Variants in DCLK1 observed in about 807,000 individuals in gnomAD.
DCLK1 encodes the protein serine/threonine-protein kinase DCLK1.
In DCLK1, 16 loss-of-function variants were observed where a neutral mutation model predicts 86.2. The ratio of observed to expected loss-of-function variants is 0.19; its 90% CI spans 0.13 to 0.28. DCLK1 has a LOEUF of 0.28. DCLK1 is among the 10% of genes least tolerant of loss of function. DCLK1 has a pLI of 1.00. For synonymous variants in DCLK1, 369 were observed against 370.5 expected, an observed-to-expected ratio of 1.00 and a Z score of 0.05; for missense variants, 590 against 940.2, an observed-to-expected ratio of 0.63 and a Z score of 4.87.
intron 3 of DCLK1, among the ~76,000 whole-genome samples, chr13:35,981,232 T>G (rs1415959722): frequency 1.3e-5 from 2 of 152,184 alleles, no homozygotes; most frequent in Non-Finnish European, 2.9e-5. Context: ...GTTTTGTTTT[T>G]TTTTTGTGAC....
At chr13:36,083,388 TC>T (rs1275930976) in intron 3 of DCLK1, among the ~76,000 whole-genome samples, 3 of 152,236 alleles carry the variant, frequency 2.0e-5, no homozygotes, top group Non-Finnish European at 4.4e-5. Flanking sequence ...AGGTCCCTCC[TC>T]AGTTCAACTC....
intron 4 of DCLK1, among the ~76,000 whole-genome samples, chr13:35,916,298 G>A (rs1875404476): frequency 6.6e-6 from 1 of 152,216 alleles, no homozygotes; most frequent in African/African-American, 2.4e-5. Flanking sequence ...GGGATCTGGT[G>A]ACCAGTAACT....
At chr13:36,075,326 T>C (rs1454358375) in intron 3 of DCLK1, among the ~76,000 whole-genome samples, 3 of 152,208 alleles carry the variant, frequency 2.0e-5, no homozygotes, top group South Asian at 2.1e-4. Flanking sequence ...ATAATTACTA[T>C]GGCTTCCTGA....
At chr13:35,853,734 C>G (rs9601483) in intron 6 of DCLK1, among the ~76,000 whole-genome samples, 1,958 of 152,242 alleles carry the variant, frequency 0.013, 29 homozygotes, top group African/African-American at 0.043. Context: ...ACATTCCCCC[C>G]ACCTTGCGTC....
At chr13:35,995,952 T>G (rs1880451869) in intron 3 of DCLK1, among the ~76,000 whole-genome samples, 1 of 152,138 alleles carries the variant, frequency 6.6e-6, no homozygotes, top group African/African-American at 2.4e-5. Context: ...TTTTTTAATT[T>G]TTTGAGATGG....
intron 3 of DCLK1, among the ~76,000 whole-genome samples, chr13:36,011,136 G>A (rs1881244077): frequency 2.0e-5 from 2 of 98,238 alleles, no homozygotes; most frequent in East Asian, 2.5e-4. Flanking sequence ...TATTAATCTT[G>A]CTAGTGGTCT....
At chr13:35,960,536 A>G (rs1207621525) in intron 3 of DCLK1, among the ~76,000 whole-genome samples, 2 of 152,084 alleles carry the variant, frequency 1.3e-5, no homozygotes, top group Admixed American at 1.3e-4. Context: ...CCCAGGCTGG[A>G]CTGCCTCAAC....
intron 3 of DCLK1, among the ~76,000 whole-genome samples, chr13:36,023,821 A>G (rs113198386): frequency 7.9e-4 from 121 of 152,238 alleles, no homozygotes; most frequent in African/African-American, 2.8e-3. Context: ...ATCATACTTA[A>G]TACAGAAATA....
intron 3 of DCLK1, among the ~76,000 whole-genome samples, chr13:35,964,663 A>C (rs1878633697): frequency 6.6e-6 from 1 of 152,208 alleles, no homozygotes; most frequent in Non-Finnish European, 1.5e-5. Context: ...TCTGAGCATC[A>C]AAAAGAAACA....
At position 35,854,841 on chromosome 13, in the gene DCLK1, T is replaced by C. The variant is rs116202215; in HGVS notation, c.941-248A>G. Among the ~76,000 whole-genome samples the C allele has an allele frequency of 4.0e-3, 603 of 152,312 alleles. 5 individuals carry two copies. Among genetic ancestry groups the C allele is most frequent in the African/African-American group, 0.013 (557 of 41,578 alleles). ...TTTTTAAGATGTACCTTTCACAACTTTCCTGATGAATGTATTAATGATGTC... is the reference window on the plus strand; with the variant it reads ...TTTTTAAGATGTACCTTTCACAACTCTCCTGATGAATGTATTAATGATGTC... On this transcript the variant is annotated intron_variant, in intron 5 of 16. Transcript: ENST00000360631.
chr13:35,912,069 C>A (rs560674449), intron 4 of DCLK1, among the ~76,000 whole-genome samples: 1 of 152,130 alleles, frequency 6.6e-6, no homozygotes. Flanking sequence ...TCATACAGCG[C>A]CTGCCCCACA....
chr13:35,861,908 C>T (rs1183588172), intron 5 of DCLK1, among the ~76,000 whole-genome samples: 1 of 151,728 alleles, frequency 6.6e-6, no homozygotes, highest in Non-Finnish European at 1.5e-5. Context: ...TGGCGGGCAC[C>T]TGTAGTCCCA....
intron 16 of DCLK1, among the ~76,000 whole-genome samples, chr13:35,777,611 G>A (rs1244037159): frequency 6.6e-6 from 1 of 152,166 alleles, no homozygotes; most frequent in Non-Finnish European, 1.5e-5. Flanking sequence ...TCTCTTTGTA[G>A]AGCAGATAGG....
intron 3 of DCLK1, among the ~76,000 whole-genome samples, chr13:36,005,950 G>A (rs1880932254): frequency 6.6e-6 from 1 of 152,162 alleles, no homozygotes; most frequent in South Asian, 2.1e-4. Context: ...TCACTCAAAA[G>A]TGAGAGTTGA....
chr13:36,021,299 CTTATT>C (rs562914323), intron 3 of DCLK1, among the ~76,000 whole-genome samples: 120 of 148,948 alleles, frequency 8.1e-4, no homozygotes, highest in African/African-American at 2.9e-3. Flanking sequence ...CTAGAAAACA[CTTATT>C]TAATTGAAAA....
chr13:36,093,614 G>A (rs753341479), intron 3 of DCLK1, among the ~76,000 whole-genome samples: 4 of 152,130 alleles, frequency 2.6e-5, no homozygotes, highest in Non-Finnish European at 2.9e-5. Flanking sequence ...GTCATTGCTA[G>A]CACATTATCA....
chr13:35,935,040 A>C (rs1198026330), intron 4 of DCLK1, among the ~76,000 whole-genome samples: 1 of 152,148 alleles, frequency 6.6e-6, no homozygotes, highest in Non-Finnish European at 1.5e-5. Context: ...GTGATGTTTG[A>C]CTTGAACCTC....
At chr13:35,797,274 C>T (rs1219954200) in intron 15 of DCLK1, among the ~76,000 whole-genome samples, 1 of 152,218 alleles carries the variant, frequency 6.6e-6, no homozygotes, top group East Asian at 1.9e-4. Context: ...AATAACCCCA[C>T]CTTCTTTTCA....
intron 4 of DCLK1, among the ~76,000 whole-genome samples, chr13:35,899,061 G>A (rs2153121658): frequency 6.6e-6 from 1 of 152,252 alleles, no homozygotes; most frequent in Admixed American, 6.5e-5. Flanking sequence ...TTCCTTAAGT[G>A]ATAAGCAGAA....
Sources: gnomAD v4.1 joint callset for allele counts (sites outside exome capture counted in the v4.1 genomes callset) on GRCh38, gnomAD v4.1.1 for gene constraint, MANE v1.5 for transcripts, NCBI Gene and HGNC (gene_info 2026-07-23, HGNC 2026-07-21) for gene names.